ACTR3C: variants seen among roughly 807,000 people sequenced by gnomAD.
ACTR3C encodes actin related protein 3C.
A neutral mutation model predicts 26.3 loss-of-function variants in ACTR3C; 18 were observed. The observed-to-expected ratio is 0.68, with a 90% CI of 0.47 to 1.01. ACTR3C has a LOEUF of 1.01. Among genes scored for constraint, ACTR3C ranks in the 50% least tolerant of loss-of-function variants. The pLI is 0.00. For synonymous variants in ACTR3C, 55 were observed against 94.5 expected, an observed-to-expected ratio of 0.58 and a Z score of 2.42; for missense variants, 184 against 250.7, an observed-to-expected ratio of 0.73 and a Z score of 1.80.
chr7:150,078,028 T>A, the ACTR3C span, among the ~76,000 whole-genome samples: 3 of 152,246 alleles, frequency 2.0e-5, no homozygotes, highest in African/African-American at 7.2e-5. Context: ...CAACTGTTAG[T>A]CTATAAAATT....
chr7:149,946,699 T>C, the ACTR3C span, among the ~76,000 whole-genome samples: 1 of 152,192 alleles, frequency 6.6e-6, no homozygotes, highest in Admixed American at 6.5e-5. Flanking sequence ...AAGTTCCAAA[T>C]TGAAGGTGAA....
the ACTR3C span, among the ~76,000 whole-genome samples, chr7:150,132,761 A>G: frequency 6.6e-6 from 1 of 152,212 alleles, no homozygotes; most frequent in Non-Finnish European, 1.5e-5. Flanking sequence ...ATATATCCAA[A>G]GGAAAATAAA....
intron 1 of ACTR3C, among the ~76,000 whole-genome samples, chr7:150,320,380 T>C (rs1015090730): frequency 6.6e-6 from 1 of 152,240 alleles, no homozygotes; most frequent in Non-Finnish European, 1.5e-5. Context: ...ACAGACTATC[T>C]GTATTGTTAT....
chr7:149,928,914 A>G, the ACTR3C span, among the ~76,000 whole-genome samples: 1 of 152,178 alleles, frequency 6.6e-6, no homozygotes, highest in Non-Finnish European at 1.5e-5. Flanking sequence ...AAAATCTGGG[A>G]CAATTTAAGC....
chr7:150,259,246 AAAG>A (rs774884591), intron 6 of ACTR3C, among the ~76,000 whole-genome samples: 4 of 151,698 alleles, frequency 2.6e-5, no homozygotes, highest in Non-Finnish European at 4.4e-5. Flanking sequence ...GAAAAGACAG[AAAG>A]AAAAGAAAGA....
At chr7:150,082,646 G>T in the ACTR3C span, among the ~76,000 whole-genome samples, 1 of 152,200 alleles carries the variant, frequency 6.6e-6, no homozygotes, top group African/African-American at 2.4e-5. Flanking sequence ...GGGCCATACA[G>T]ATCAGGTGTT....
the ACTR3C span, among the ~76,000 whole-genome samples, chr7:150,046,581 A>C: frequency 1.4e-5 from 2 of 142,046 alleles, no homozygotes; most frequent in Admixed American, 1.4e-4. Context: ...TCTACAAACC[A>C]ACACAGCCTA....
downstream of ACTR3C, chr7:150,245,671 C>A (rs1832425599): frequency 6.6e-6 from 1 of 152,076 alleles, no homozygotes. Flanking sequence ...CAATAAGAAT[C>A]TTTCATTTTG....
the ACTR3C span, among the ~76,000 whole-genome samples, chr7:150,033,805 A>G: frequency 2.0e-5 from 3 of 151,132 alleles, no homozygotes; most frequent in Admixed American, 6.6e-5. Flanking sequence ...CAGGGGGGGA[A>G]GAGGGACTGG....
At chr7:150,035,913 G>T in the ACTR3C span, among the ~76,000 whole-genome samples, 344 of 115,734 alleles carry the variant, frequency 3.0e-3, 11 homozygotes, top group South Asian at 0.014. Context: ...CCACCCTCGC[G>T]GGGGGTGCCT....
At chr7:150,110,066 AG>A in the ACTR3C span, among the ~76,000 whole-genome samples, 1 of 125,022 alleles carries the variant, frequency 8.0e-6, no homozygotes, top group East Asian at 2.2e-4. Context: ...GCCCTTGGAC[AG>A]GGGGCTCCAG....
chr7:149,977,363 CGTT>C, the ACTR3C span, among the ~76,000 whole-genome samples: 1 of 152,328 alleles, frequency 6.6e-6, no homozygotes, highest in East Asian at 1.9e-4. Flanking sequence ...GGTACACAGA[CGTT>C]GTACTCAGCA....
the ACTR3C span, among the ~76,000 whole-genome samples, chr7:150,070,352 T>C: frequency 1.2e-4 from 19 of 152,164 alleles, no homozygotes; most frequent in African/African-American, 4.3e-4. Flanking sequence ...CCATGATGAG[T>C]GATTTCTGAT....
chr7:150,217,306 G>A, the ACTR3C span, among the ~76,000 whole-genome samples: 5 of 151,712 alleles, frequency 3.3e-5, no homozygotes, highest in Admixed American at 2.0e-4. Flanking sequence ...AGAGACTGAA[G>A]CACTGATAAT....
chr7:149,904,399 G>A, the ACTR3C span, among the ~76,000 whole-genome samples: 3 of 151,018 alleles, frequency 2.0e-5, no homozygotes, highest in African/African-American at 4.8e-5. Flanking sequence ...GCATGGTGGC[G>A]TGCACCTGTA....
At chr7:150,023,312 T>TACAC in the ACTR3C span, among the ~76,000 whole-genome samples, 1 of 15,272 alleles carries the variant, frequency 6.5e-5, no homozygotes, top group Non-Finnish European at 2.1e-4. Context: ...GATAGATAGA[T>TACAC]AGATACATAC....
the ACTR3C span, among the ~76,000 whole-genome samples, chr7:150,180,322 A>AC: frequency 6.7e-6 from 1 of 149,790 alleles, no homozygotes; most frequent in Non-Finnish European, 1.5e-5. Flanking sequence ...AAAAACAAAA[A>AC]CAAAAAAAAG....
At chr7:150,125,320 T>C in the ACTR3C span, among the ~76,000 whole-genome samples, 2 of 151,772 alleles carry the variant, frequency 1.3e-5, no homozygotes, top group African/African-American at 4.8e-5. Context: ...CTTAATTCCC[T>C]GTAGACCCAT....
At chr7:149,909,321 C>A in the ACTR3C span, among the ~76,000 whole-genome samples, 1 of 144,750 alleles carries the variant, frequency 6.9e-6, no homozygotes, top group African/African-American at 2.6e-5. Context: ...AAGAGATATT[C>A]AGTCCATTAA....
Sources: allele counts gnomAD v4.1 joint callset (sites outside exome capture counted in the v4.1 genomes callset), GRCh38; gene constraint gnomAD v4.1.1; transcripts MANE v1.5; gene names NCBI Gene and HGNC (gene_info 2026-07-23, HGNC 2026-07-21).